EPHA5: variants seen among roughly 807,000 people sequenced by gnomAD.
The protein encoded by EPHA5 is EPH receptor A5.
Under a neutral mutation model 105.0 loss-of-function variants are expected in EPHA5, and 60 were observed. The ratio of observed to expected loss-of-function variants is 0.57; its 90% CI spans 0.46 to 0.71. The LOEUF (loss-of-function observed/expected upper bound fraction) is 0.71. EPHA5 is among the 30% of genes least tolerant of loss of function. The pLI, the probability that EPHA5 is intolerant of heterozygous loss-of-function variation, is 0.00. For missense variants in EPHA5, 1,218 were observed against 1,274.7 expected, an observed-to-expected ratio of 0.96 and a Z score of 0.68; for synonymous variants, 513 against 449.1, an observed-to-expected ratio of 1.14 and a Z score of -1.80.
At chr4:65,503,282 A>C (rs913720880) in intron 3 of EPHA5, among the ~76,000 whole-genome samples, 1 of 151,808 alleles carries the variant, frequency 6.6e-6, no homozygotes, top group Non-Finnish European at 1.5e-5. Context: ...AGACAATTTG[A>C]AATTATTTTT....
intron 3 of EPHA5, among the ~76,000 whole-genome samples, chr4:65,512,582 A>G (rs114741414): frequency 0.014 from 2,159 of 152,174 alleles, 63 homozygotes; most frequent in African/African-American, 0.049. Context: ...TGCTATGGCC[A>G]TCTGAAGTGC....
At chr4:65,550,366 A>G (rs1214974929) in intron 3 of EPHA5, among the ~76,000 whole-genome samples, 3 of 152,164 alleles carry the variant, frequency 2.0e-5, no homozygotes, top group Non-Finnish European at 4.4e-5. Context: ...CCATTTTGAC[A>G]TGTTAAAATG....
At chr4:65,543,814 C>T (rs1327561071) in intron 3 of EPHA5, among the ~76,000 whole-genome samples, 1 of 152,002 alleles carries the variant, frequency 6.6e-6, no homozygotes, top group Non-Finnish European at 1.5e-5. Context: ...CACTACCTGA[C>T]TTTAAACTAC....
chr4:65,634,220 C>T (rs983158189), intron 2 of EPHA5, among the ~76,000 whole-genome samples: 1 of 151,956 alleles, frequency 6.6e-6, no homozygotes, highest in African/African-American at 2.4e-5. Flanking sequence ...TTGAGAACTT[C>T]TAAAGAATAA....
intron 7 of EPHA5, among the ~76,000 whole-genome samples, chr4:65,412,295 G>A (rs1251902780): frequency 6.6e-6 from 1 of 152,082 alleles, no homozygotes; most frequent in East Asian, 1.9e-4. Flanking sequence ...CCATATTTTA[G>A]AATTAAACAC....
Position 65,365,964 on chromosome 4 carries a change from G to A in EPHA5, c.1955C>T (p.Ser652Leu), listed in dbSNP as rs2148892262. 1.2e-6 allele frequency: 2 copies of A among 1,608,826 alleles called. No homozygotes were observed. The highest frequency in any genetic ancestry group is 1.1e-5 in the South Asian group (1 of 90,612). ...VHEFAKEIEA[S>L]CITIERVIGA... ...AATAACTCTCTCAATGGTGATACATGATGCTTCTATCTCCTTAGCAAATTC... is the reference window on the plus strand; with the variant it reads ...AATAACTCTCTCAATGGTGATACATAATGCTTCTATCTCCTTAGCAAATTC... The change falls in exon 10 of 17, where the codon TCA becomes TTA. Residue 652 changes from serine to leucine, a missense_variant. Coordinates refer to ENST00000613740, the MANE Select transcript of EPHA5 (RefSeq NM_001281766.3).
At chr4:65,620,551 C>T (rs566489482) in intron 2 of EPHA5, among the ~76,000 whole-genome samples, 1 of 152,204 alleles carries the variant, frequency 6.6e-6, no homozygotes, top group Non-Finnish European at 1.5e-5. Context: ...ATAATTGAGT[C>T]GTCAGTGAAT....
intron 2 of EPHA5, among the ~76,000 whole-genome samples, chr4:65,609,333 T>G (rs993626142): frequency 6.6e-6 from 1 of 152,210 alleles, no homozygotes; most frequent in Non-Finnish European, 1.5e-5. Flanking sequence ...GTTTGAGTTG[T>G]TCAAAACATC....
intron 5 of EPHA5, among the ~76,000 whole-genome samples, chr4:65,443,575 G>A (rs2149090821): frequency 6.6e-6 from 1 of 152,088 alleles, no homozygotes; most frequent in South Asian, 2.1e-4. Flanking sequence ...CCTGGGGGAG[G>A]GCCTTTGAAG....
chr4:65,532,607 C>CTTT (rs5858964), intron 3 of EPHA5, among the ~76,000 whole-genome samples: 1 of 135,772 alleles, frequency 7.4e-6, no homozygotes, highest in African/African-American at 2.7e-5. Context: ...TCCAATAGCT[C>CTTT]TTTTTTTTTT....
chr4:65,473,334 C>T (rs1260897573), intron 5 of EPHA5, among the ~76,000 whole-genome samples: 3 of 152,168 alleles, frequency 2.0e-5, no homozygotes, highest in Non-Finnish European at 4.4e-5. Context: ...AGGTACCCCG[C>T]TCTCTGAAGT....
At chr4:65,619,852 TTC>T (rs1164733536) in intron 2 of EPHA5, among the ~76,000 whole-genome samples, 2 of 151,822 alleles carry the variant, frequency 1.3e-5, no homozygotes, top group Admixed American at 6.6e-5. Context: ...TCTACTGTTT[TTC>T]TCTTTTTCCT....
chr4:65,375,846 C>A (rs973497021), intron 8 of EPHA5, among the ~76,000 whole-genome samples: 2 of 151,310 alleles, frequency 1.3e-5, no homozygotes, highest in African/African-American at 2.4e-5. Context: ...ATAGCTTTTA[C>A]CAGATTTTAG....
intron 3 of EPHA5, among the ~76,000 whole-genome samples, chr4:65,554,705 G>T (rs1738237738): frequency 6.6e-6 from 1 of 151,564 alleles, no homozygotes; most frequent in Admixed American, 6.6e-5. Context: ...ATCTTTTCAT[G>T]TTAAATGTTT....
chr4:65,512,927 A>G (rs1010709319), intron 3 of EPHA5, among the ~76,000 whole-genome samples: 1 of 152,184 alleles, frequency 6.6e-6, no homozygotes, highest in Non-Finnish European at 1.5e-5. Flanking sequence ...AAATCTGGAA[A>G]AAAAAAACAC....
chr4:65,506,468 A>C (rs1578280128), intron 3 of EPHA5, among the ~76,000 whole-genome samples: 1 of 145,382 alleles, frequency 6.9e-6, no homozygotes, highest in Non-Finnish European at 1.5e-5. Flanking sequence ...TCCCACCAAC[A>C]GTGTAAAAGT....
At chr4:65,452,193 T>G (rs1445211319) in intron 5 of EPHA5, among the ~76,000 whole-genome samples, 1 of 152,206 alleles carries the variant, frequency 6.6e-6, no homozygotes, top group Non-Finnish European at 1.5e-5. Flanking sequence ...CTGTACATTT[T>G]ATTGGTAAGT....
chr4:65,574,611 T>TAC lies in EPHA5; in HGVS notation c.910+27028_910+27029dup, dbSNP rs577191605. 1.4e-3 allele frequency among the ~76,000 whole-genome samples: 160 copies of TAC among 117,432 alleles called. 4 individuals are homozygous for TAC. Among genetic ancestry groups the TAC allele is most frequent in the African/African-American group, 4.3e-3 (137 of 31,862 alleles). 77.0% of individuals were successfully genotyped at this position (117,432 alleles called of 152,430 possible). On this transcript the variant is annotated intron_variant, in intron 3 of 16. Transcript: ENST00000613740. ...CTCTATATATTGCTGTATATATATATACATATATATATATACACATATATA... is the reference window on the plus strand; with the variant it reads ...CTCTATATATTGCTGTATATATATATACACATATATATATATACACATATATA...
chr4:65,567,035 CTT>C (rs1739614188), intron 3 of EPHA5, among the ~76,000 whole-genome samples: 1 of 151,592 alleles, frequency 6.6e-6, no homozygotes, highest in South Asian at 2.1e-4. Flanking sequence ...ACACTCCACA[CTT>C]TTATTTGTGC....
Sources: gnomAD v4.1 joint callset for allele counts (sites outside exome capture counted in the v4.1 genomes callset) on GRCh38, gnomAD v4.1.1 for gene constraint, MANE v1.5 for transcripts, NCBI Gene and HGNC (gene_info 2026-07-23, HGNC 2026-07-21) for gene names.